Variants in CDH18 observed in about 807,000 individuals in gnomAD.
CDH18 encodes the protein cadherin 18.
In CDH18, 31 loss-of-function variants were observed where a neutral mutation model predicts 67.9. The ratio of observed to expected loss-of-function variants is 0.46; its 90% CI spans 0.34 to 0.62. CDH18 has a LOEUF of 0.62. Among genes scored for constraint, CDH18 ranks in the 20% least tolerant of loss-of-function variants. The pLI, the probability that CDH18 is intolerant of heterozygous loss-of-function variation, is 0.01. For missense variants in CDH18, 890 were observed against 975.5 expected, an observed-to-expected ratio of 0.91 and a Z score of 1.17; for synonymous variants, 362 against 347.2, an observed-to-expected ratio of 1.04 and a Z score of -0.48.
rs143749603 is a variant in CDH18 at position 19,913,919 on chromosome 5, T to C, written c.-257+67141A>G. Among the ~76,000 whole-genome samples the C allele has an allele frequency of 1.6e-4, 25 of 152,230 alleles. No homozygotes were observed. The East Asian group carries it at 4.6e-3, about 28-fold the overall frequency. On this transcript the variant is annotated intron_variant, in intron 2 of 12. Coordinates refer to ENST00000382275, the MANE Select transcript of CDH18 (RefSeq NM_004934.5). ...GAGAAATAAAGCAAAACTACCTTCA[T>C]GTGCAGTGGAATAACTATGCTGAAA...
intron 2 of CDH18, among the ~76,000 whole-genome samples, chr5:20,138,034 T>C (rs1413289527): frequency 6.6e-6 from 1 of 151,244 alleles, no homozygotes; most frequent in African/African-American, 2.4e-5. Flanking sequence ...TAGACCAATA[T>C]CCCTGATGAA....
At chr5:20,187,747 T>C (rs961874807) in intron 2 of CDH18, among the ~76,000 whole-genome samples, 1 of 151,910 alleles carries the variant, frequency 6.6e-6, no homozygotes, top group African/African-American at 2.4e-5. Flanking sequence ...TGCTTTATTT[T>C]ATATTAACAC....
At chr5:20,428,665 G>A (rs982848740) in intron 1 of CDH18, among the ~76,000 whole-genome samples, 2 of 151,994 alleles carry the variant, frequency 1.3e-5, no homozygotes, top group African/African-American at 2.4e-5. Flanking sequence ...ATCTCGTCGT[G>A]GTTTTGATTT....
At chr5:19,477,431 T>C (rs960108011) in intron 12 of CDH18, among the ~76,000 whole-genome samples, 1 of 151,862 alleles carries the variant, frequency 6.6e-6, no homozygotes, top group African/African-American at 2.4e-5. Flanking sequence ...AATGGTAATG[T>C]GACATTGTGT....
intron 2 of CDH18, among the ~76,000 whole-genome samples, chr5:19,924,374 C>T (rs1009381031): frequency 5.3e-5 from 8 of 152,078 alleles, no homozygotes; most frequent in East Asian, 1.9e-4. Context: ...TGGTGGCTCA[C>T]GCCTATAATC....
intron 1 of CDH18, among the ~76,000 whole-genome samples, chr5:20,388,549 T>G (rs1215605505): frequency 6.6e-6 from 1 of 152,268 alleles, no homozygotes; most frequent in Non-Finnish European, 1.5e-5. Flanking sequence ...TTTGAAGGGT[T>G]TTTTGTGTCT....
At chr5:20,488,947 C>T (rs1258958998) in intron 1 of CDH18, among the ~76,000 whole-genome samples, 2 of 151,898 alleles carry the variant, frequency 1.3e-5, no homozygotes, top group African/African-American at 2.4e-5. Context: ...ACATGTATAT[C>T]TCAACATTAC....
intron 1 of CDH18, among the ~76,000 whole-genome samples, chr5:20,528,045 C>G (rs1490426907): frequency 6.6e-6 from 1 of 151,766 alleles, no homozygotes; most frequent in Non-Finnish European, 1.5e-5. Flanking sequence ...CACCTAGGAT[C>G]AAAATAAAGG....
intron 2 of CDH18, among the ~76,000 whole-genome samples, chr5:20,083,343 G>T (rs1389552547): frequency 1.3e-5 from 2 of 152,284 alleles, no homozygotes; most frequent in East Asian, 3.9e-4. Flanking sequence ...ATTATGCTTT[G>T]CTTTGTTGCC....
chr5:19,713,875 T>C (rs1765022034), intron 5 of CDH18, among the ~76,000 whole-genome samples: 1 of 152,080 alleles, frequency 6.6e-6, no homozygotes, highest in African/African-American at 2.4e-5. Context: ...GTGTGCTCTC[T>C]CTGGTTCATA....
intron 2 of CDH18, among the ~76,000 whole-genome samples, chr5:20,081,989 A>C (rs1472039499): frequency 6.6e-6 from 1 of 152,226 alleles, no homozygotes; most frequent in Non-Finnish European, 1.5e-5. Context: ...ACATAATATT[A>C]GTCTAAATCA....
chr5:20,014,795 C>A (rs1438910534), intron 2 of CDH18, among the ~76,000 whole-genome samples: 1 of 152,086 alleles, frequency 6.6e-6, no homozygotes, highest in East Asian at 1.9e-4. Flanking sequence ...GAGGCTGAAG[C>A]ATATAAGCAT....
At position 19,696,225 on chromosome 5, in the gene CDH18, A is replaced by ATGTGTGTGTGTGTGTG. The variant is rs1192392126; in HGVS notation, c.643+25106_643+25121dup. Among the ~76,000 whole-genome samples the ATGTGTGTGTGTGTGTG allele has an allele frequency of 1.0e-3, 76 of 74,982 alleles. 1 individual carries two copies. Among genetic ancestry groups the ATGTGTGTGTGTGTGTG allele is most frequent in the African/African-American group, 3.0e-3 (76 of 25,214 alleles). 49.2% of individuals were successfully genotyped at this position (74,982 alleles called of 152,430 possible). A position where few individuals can be genotyped will look rare whatever the true frequency, so the allele number is the denominator to read the frequency against. ...TTTATATGCAGTCTGCACCAAATAT[A>ATGTGTGTGTGTGTGTG]TGTGTGTGTGTGTGTGTGTGTGTGT... On this transcript the variant is annotated intron_variant, in intron 5 of 12. Transcript: ENST00000382275.
intron 2 of CDH18, among the ~76,000 whole-genome samples, chr5:20,129,933 T>C (rs1410127221): frequency 6.6e-6 from 1 of 151,832 alleles, no homozygotes; most frequent in Non-Finnish European, 1.5e-5. Flanking sequence ...CAAATATGAT[T>C]GTTTTGGATG....
At chr5:20,130,004 A>G (rs1749131001) in intron 2 of CDH18, among the ~76,000 whole-genome samples, 1 of 151,486 alleles carries the variant, frequency 6.6e-6, no homozygotes, top group Non-Finnish European at 1.5e-5. Context: ...AGACATGAAT[A>G]TAGACAGCTA....
At chr5:19,910,049 T>C (rs1389666446) in intron 2 of CDH18, among the ~76,000 whole-genome samples, 2 of 152,188 alleles carry the variant, frequency 1.3e-5, no homozygotes, top group African/African-American at 4.8e-5. Context: ...GATTTTTCTC[T>C]TCTGTTAATG....
intron 2 of CDH18, among the ~76,000 whole-genome samples, chr5:19,859,736 A>G (rs976516470): frequency 1.3e-5 from 2 of 152,164 alleles, no homozygotes; most frequent in African/African-American, 4.8e-5. Flanking sequence ...GGACCAAACC[A>G]ATATACATCT....
At chr5:20,554,033 A>G (rs940910721) in intron 1 of CDH18, among the ~76,000 whole-genome samples, 3 of 151,978 alleles carry the variant, frequency 2.0e-5, no homozygotes, top group Non-Finnish European at 4.4e-5. Context: ...TAAATTTTCA[A>G]CTCTTTAGGA....
chr5:20,208,891 G>C (rs1169489831), intron 2 of CDH18, among the ~76,000 whole-genome samples: 1 of 151,822 alleles, frequency 6.6e-6, no homozygotes, highest in Non-Finnish European at 1.5e-5. Context: ...TAGCAATAAA[G>C]AAAAAACACA....
Sources: gnomAD v4.1 joint callset for allele counts (sites outside exome capture counted in the v4.1 genomes callset) on GRCh38, gnomAD v4.1.1 for gene constraint, MANE v1.5 for transcripts, NCBI Gene and HGNC (gene_info 2026-07-23, HGNC 2026-07-21) for gene names.